POMT2: variants seen among roughly 807,000 people sequenced by gnomAD.
POMT2 encodes the protein protein O-mannosyl-transferase 2.
Under a neutral mutation model 100.0 loss-of-function variants are expected in POMT2, and 75 were observed. That is an observed-to-expected ratio of 0.75 (90% CI 0.62 to 0.91). The LOEUF is 0.91. Among genes scored for constraint, POMT2 ranks in the 40% least tolerant of loss-of-function variants. The probability of loss-of-function intolerance (pLI) is 0.00; values close to 1 mark genes in which losing one functional copy is unlikely to be tolerated. For synonymous variants in POMT2, 378 were observed against 374.1 expected (o/e 1.01, Z -0.12); for missense variants, 940 against 955.1 (o/e 0.98, Z 0.21).
chr14:77,298,161 C>A (rs184664469), intron 8 of POMT2, among the ~76,000 whole-genome samples: 98 of 152,316 alleles, frequency 6.4e-4, no homozygotes, highest in Non-Finnish European at 5.9e-5. Context: ...TCCAAGGCAA[C>A]CCACATCACG....
At chr14:77,298,192 G>GC (rs935964876) in intron 8 of POMT2, among the ~76,000 whole-genome samples, 2 of 151,964 alleles carry the variant, frequency 1.3e-5, no homozygotes, top group African/African-American at 4.8e-5. Context: ...GCCCTTAACC[G>GC]CCCAGCAGCC....
chr14:77,320,208 CT>C, intron 1 of POMT2: 1 of 706,098 alleles, frequency 1.4e-6, no homozygotes, highest in South Asian at 1.7e-5. Flanking sequence ...GACATGAGGG[CT>C]GCTTCCTCAG....
chr14:77,304,900 A>G, intron 3 of POMT2, 100 bp from the exon 4 acceptor site: 1 of 1,531,514 alleles, frequency 6.5e-7, no homozygotes, highest in Admixed American at 2.0e-5. Flanking sequence ...GGACCTGATG[A>G]AGGCATGACT....
At chr14:77,306,224 C>T (rs1301002508) in intron 3 of POMT2, 113 bp downstream of exon 3, 5 of 1,536,846 alleles carry the variant, frequency 3.3e-6, no homozygotes, top group African/African-American at 1.4e-5. Flanking sequence ...CTCCTCACCA[C>T]CCAAAGTCCC....
intron 1 of POMT2, among the ~76,000 whole-genome samples, chr14:77,313,576 T>G (rs932997430): frequency 6.6e-6 from 1 of 152,260 alleles, no homozygotes; most frequent in Admixed American, 6.5e-5. Context: ...GAAAGAATTC[T>G]GTAGATTATA....
chr14:77,312,168 AT>A (rs1340517207), intron 1 of POMT2, 135 bp from the exon 2 acceptor site: 3 of 1,382,398 alleles, frequency 2.2e-6, no homozygotes, highest in Non-Finnish European at 2.9e-6. Flanking sequence ...TAAAAAAAAA[AT>A]ATTTTGACAC....
chr14:77,310,063 C>T (rs997734888), intron 2 of POMT2, among the ~76,000 whole-genome samples: 1 of 152,216 alleles, frequency 6.6e-6, no homozygotes, highest in Non-Finnish European at 1.5e-5. Flanking sequence ...CAAAAAAGAA[C>T]GGGCAGTCCC....
At chr14:77,297,861 A>C in intron 8 of POMT2, among the ~76,000 whole-genome samples, 1 of 151,012 alleles carries the variant, frequency 6.6e-6, no homozygotes. Context: ...GCCAGCCTCG[A>C]CTCTCCCACC....
At position 77,278,571 on chromosome 14, in the gene POMT2, A is replaced by G. The variant is rs1890073503; in HGVS notation, c.2033-63T>C. ...GGGGGTGACTTCTGGGCTACAGAAG[A>G]AGGAGGCACTCCAAGTCAAGGAGCA... is the stretch of plus-strand genomic sequence containing the variant. On this transcript the variant is annotated intron_variant, in intron 19 of 20. Transcript: ENST00000261534. 3 of 1,446,996 alleles carry G rather than the reference A, an allele frequency of 2.1e-6. No individual in the cohort carries two copies. In the South Asian group the frequency reaches 3.6e-5, roughly 18 times the overall value. 89.6% of individuals were successfully genotyped at this position (1,446,996 alleles called of 1,614,324 possible).
chr14:77,291,574 T>C (rs1890643952), intron 9 of POMT2, 194 bp from the exon 10 acceptor site: 1 of 690,254 alleles, frequency 1.4e-6, no homozygotes, highest in Non-Finnish European at 2.4e-6. Context: ...GATTCTCTCC[T>C]TCCTTCTGCA....
chr14:77,317,444 C>T (rs545337460), intron 1 of POMT2, among the ~76,000 whole-genome samples: 19 of 152,176 alleles, frequency 1.2e-4, no homozygotes, highest in Non-Finnish European at 2.4e-4. Context: ...ATCTTTTTGT[C>T]GCAATGGCCA....
In POMT2 at chr14:77,283,823, G is replaced by A; in HGVS notation, c.1627C>T (p.Leu543=). The change falls in exon 15 of 21, where the codon CTG becomes TTG. Residue 543 remains leucine (L), a synonymous_variant. Coordinates refer to ENST00000261534, the MANE Select transcript of POMT2 (RefSeq NM_013382.7). ...CGGATCATGACCATGTGGGATTCCA[G>A]CAAGATCTCAGGAAAACTGGGCTGT... is the stretch of plus-strand genomic sequence containing the variant. ...VLQPSFPEIL[L]ESHMVMIRGN... 2.5e-6 allele frequency: 4 copies of A among 1,612,818 alleles called. No homozygotes were observed. Among genetic ancestry groups the A allele is most frequent in the Non-Finnish European group, 3.4e-6 (4 of 1,178,798 alleles).
In POMT2 at chr14:77,285,039, C is replaced by T. The variant is rs939879717; in HGVS notation, c.1487G>A (p.Gly496Asp). The change falls in exon 14 of 21, where the codon GGC becomes GAC. Residue 496 changes from glycine (G) to aspartate (D), a missense_variant and splice_region_variant. Physicochemically the swap from Gly to Asp is moderately conservative, Grantham distance 94 (BLOSUM62 -1). Transcript: ENST00000261534. ...GCAAGTAACTTCCAACTGCTCCCAGCCCCTGTGAAAAGCAGAAGTCACAGA... is the reference window on the plus strand; with the variant it reads ...GCAAGTAACTTCCAACTGCTCCCAGTCCCTGTGAAAAGCAGAAGTCACAGA... The part of the protein sequence containing the change: ...GSSGKVLPKW[G>D]WEQLEVTCTP... The T allele has an allele frequency of 1.2e-6, 2 of 1,609,640 alleles. No individual in the cohort carries two copies. The highest frequency in any genetic ancestry group is 1.7e-6 in the Non-Finnish European group (2 of 1,175,972).
At position 77,320,862 on chromosome 14, in the gene POMT2, G is replaced by A; in HGVS notation, c.-181C>T. 7.9e-7 allele frequency: 1 copy of A among 1,262,690 alleles called. No homozygotes were observed. The highest frequency in any genetic ancestry group is 1.0e-6 in the Non-Finnish European group (1 of 980,306). 78.2% of individuals were successfully genotyped at this position (1,262,690 alleles called of 1,614,324 possible). A position where few individuals can be genotyped will look rare whatever the true frequency, so the allele number is the denominator to read the frequency against. ...GGGCAGCGTGGTCGCGGCCCGGGCC[G>A]CTAGGAGGCGGCAGGAGGCGCAGAG... On this transcript the variant is annotated 5_prime_UTR_variant, in exon 1 of 21. Transcript: ENST00000261534.
intron 1 of POMT2, chr14:77,319,357 G>C (rs1891750162): frequency 6.6e-6 from 1 of 152,214 alleles, no homozygotes; most frequent in African/African-American, 2.4e-5. Context: ...GATGTGAGTA[G>C]CCAGGGGAGT....
Position 77,278,451 on chromosome 14 carries a change from A to T in POMT2, c.2090T>A (p.Leu697Gln). The T allele has an allele frequency of 6.6e-7, 1 of 1,505,192 alleles. No individual in the cohort carries two copies. The allele number at this position is 1,505,192 out of a possible 1,614,324, so 93.2% of individuals were successfully genotyped here. ...TCCCGCCACATGTATGCCCCTCGCC[A>T]GGGGCCATGAGGCCAAGCCCCAGGC... The part of the protein sequence containing the change: ...LCAWGLASWP[L>Q]ARGIHVAGIL... Residue 697 changes from leucine to glutamine, a missense_variant, in exon 20 of 21, where the codon CTG becomes CAG. Transcript: ENST00000261534.
Position 77,298,773 on chromosome 14 carries a change from T to C in POMT2, c.924-2A>G, listed in dbSNP as rs886044256. On this transcript the variant is annotated splice_acceptor_variant, in intron 7 of 20. Transcript: ENST00000261534. LOFTEE classifies it high-confidence loss of function. Reference sequence around the variant, plus strand: ...CTGAAGAAACCGTCACCAGGGCCACTGTGGGGAGAGGAAGAGCAGAAGAGA... The same window carrying C: ...CTGAAGAAACCGTCACCAGGGCCACCGTGGGGAGAGGAAGAGCAGAAGAGA... 2 of 1,611,820 alleles carry C rather than the reference T, an allele frequency of 1.2e-6. No individual in the cohort carries two copies. The highest frequency in any genetic ancestry group is 1.1e-5 in the South Asian group (1 of 90,468).
chr14:77,309,746 G>A (rs1046170615), intron 2 of POMT2, among the ~76,000 whole-genome samples: 2 of 152,064 alleles, frequency 1.3e-5, no homozygotes, highest in Non-Finnish European at 2.9e-5. Flanking sequence ...GCAGTGGCAC[G>A]ATCTCAGCTC....
In POMT2 at chr14:77,277,455, T is replaced by C. The variant is rs974806000; in HGVS notation, c.2174A>G (p.Tyr725Cys). The part of the protein sequence containing the change: ...YSFYLFHPLA[Y>C]GMVGPLAQDP... The stretch of plus-strand genomic sequence containing the variant: ...CTGGGCCAGGGGACCAACCATCCCG[T>C]AAGCCAGAGGGTGGAAGAGGTAGAA... Residue 725 changes from tyrosine (Y) to cysteine (C), a missense_variant, in exon 21 of 21, where the codon TAC becomes TGC. Transcript: ENST00000261534. 2 of 1,613,702 alleles carry C rather than the reference T, an allele frequency of 1.2e-6. No individual in the cohort carries two copies. Among genetic ancestry groups the C allele is most frequent in the African/African-American group, 2.7e-5 (2 of 74,902 alleles).
Sources: gnomAD v4.1 joint callset for allele counts (sites outside exome capture counted in the v4.1 genomes callset) on GRCh38, gnomAD v4.1.1 for gene constraint, MANE v1.5 for transcripts, NCBI Gene and HGNC (gene_info 2026-07-23, HGNC 2026-07-21) for gene names.